The following TLR7 variants were observed in gnomAD, a reference collection of about 807,000 sequenced individuals.
TLR7 encodes the protein toll like receptor 7.
TLR7 carries 12 observed loss-of-function variants against 38.3 expected under a neutral mutation model. The observed-to-expected ratio is 0.31, with a 90% CI of 0.20 to 0.51. The LOEUF is 0.51. TLR7 is among the 20% of genes least tolerant of loss of function. The probability of loss-of-function intolerance (pLI) is 0.98; values close to 1 mark genes in which losing one functional copy is unlikely to be tolerated. For missense variants in TLR7, 504 were observed against 743.4 expected (o/e 0.68, Z 3.74); for synonymous variants, 285 against 293.8 (o/e 0.97, Z 0.31).
chrX:12,872,756 G>A, intron 2 of TLR7, among the ~76,000 whole-genome samples: 1 of 109,223 alleles, frequency 9.2e-6, no homozygotes, highest in Middle Eastern at 4.7e-3. Flanking sequence ...AAACATATCT[G>A]GTGTTCGGCC....
At chrX:12,869,784 T>A (rs1259221775) in intron 2 of TLR7, among the ~76,000 whole-genome samples, 1 of 91,543 alleles carries the variant, frequency 1.1e-5, no homozygotes, top group Non-Finnish European at 2.1e-5. Flanking sequence ...AAAGAAGTGA[T>A]CGTGGACATG....
In TLR7 at chrX:12,887,320, C is replaced by T. The variant is rs1212628646; in HGVS notation, c.1812C>T (p.Asn604=). 5.0e-6 allele frequency: 6 copies of T among 1,210,072 alleles called. No homozygotes were observed. In the African/African-American group the frequency reaches 5.2e-5, roughly 11 times the overall value. The change falls in exon 3 of 3, where the codon AAC becomes AAT. Residue 604 remains asparagine, a synonymous_variant. Transcript: ENST00000380659. ...AGGTTCTGCAGAAACTGATGATGAACGACAATGACATCTCTTCCTCCACCA... is the reference window on the plus strand; with the variant it reads ...AGGTTCTGCAGAAACTGATGATGAATGACAATGACATCTCTTCCTCCACCA... ...NLKVLQKLMM[N]DNDISSSTSR...
chrX:12,880,905 G>A (rs1271822436), intron 2 of TLR7, among the ~76,000 whole-genome samples: 1 of 111,183 alleles, frequency 9.0e-6, no homozygotes, highest in Non-Finnish European at 1.9e-5. Context: ...CTGTGCCTCA[G>A]TTGACTCATC....
At position 12,874,181 on chromosome X, in the gene TLR7, G is replaced by A. The variant is rs189176938; in HGVS notation, c.3+6600G>A. On this transcript the variant is annotated intron_variant, in intron 2 of 2. Coordinates refer to ENST00000380659, the MANE Select transcript of TLR7 (RefSeq NM_016562.4). ...CTAAAAATACAAAAATTAGCTGGGAGTGGTGGCGGCTGTCTGTAATCCCAG... is the reference window on the plus strand; with the variant it reads ...CTAAAAATACAAAAATTAGCTGGGAATGGTGGCGGCTGTCTGTAATCCCAG... 3.6e-4 allele frequency among the ~76,000 whole-genome samples: 40 copies of A among 110,850 alleles called. No individual in the cohort carries two copies. In the East Asian group the frequency reaches 0.01, roughly 28 times the overall value.
rs962452740 is a variant in TLR7 at position 12,890,119 on chromosome X, T to C, written c.*1461T>C. On this transcript the variant is annotated 3_prime_UTR_variant, in exon 3 of 3. Transcript: ENST00000380659. The stretch of plus-strand genomic sequence containing the variant: ...ATTGAAACCTGACCAATTTGCTTTA[T>C]TTCATGGAAGAAGTGATCTACAAAG... 3 of 112,956 alleles carry C rather than the reference T, an allele frequency of 2.7e-5. No individual in the cohort carries two copies. Among genetic ancestry groups the C allele is most frequent in the African/African-American group, 9.6e-5 (3 of 31,116 alleles). 9.3% of individuals were successfully genotyped at this position (112,956 alleles called of 1,213,427 possible). A position where few individuals can be genotyped will look rare whatever the true frequency, so the allele number is the denominator to read the frequency against.
intron 2 of TLR7, among the ~76,000 whole-genome samples, chrX:12,882,256 G>A (rs1250885924): frequency 4.5e-5 from 5 of 111,468 alleles, no homozygotes; most frequent in African/African-American, 9.8e-5. Context: ...CATTATAGTT[G>A]ATCTGATTCA....
intron 2 of TLR7, among the ~76,000 whole-genome samples, chrX:12,880,834 C>T (rs1030559501): frequency 8.1e-5 from 9 of 110,972 alleles, no homozygotes; most frequent in Admixed American, 4.8e-4. Flanking sequence ...AATTTCTGAC[C>T]GTGGTAAGGG....
rs138633665 is a variant in TLR7, at chrX:12,888,109, G to A, written c.2601G>A (p.Val867=). 9.9e-5 allele frequency: 120 copies of A among 1,209,102 alleles called. No homozygotes were observed. Among genetic ancestry groups the A allele is most frequent in the Non-Finnish European group, 1.2e-4 (111 of 894,389 alleles). Residue 867 remains valine (V), a synonymous_variant, in exon 3 of 3, where the codon GTG becomes GTA. Coordinates refer to ENST00000380659, the MANE Select transcript of TLR7 (RefSeq NM_016562.4). ...CAAGTCACCTCTATTTCTGGGATGT[G>A]TGGTATATTTACCATTTCTGTAAGG... ...MTASHLYFWD[V]WYIYHFCKAK...
intron 2 of TLR7, among the ~76,000 whole-genome samples, chrX:12,869,297 G>T (rs5741880): frequency 0.19 from 21,187 of 111,185 alleles, 2,339 homozygotes; most frequent in African/African-American, 0.41. Context: ...GAGTCATATG[G>T]CAGATCCTTT....
chrX:12,880,162 C>T (rs1212485478), intron 2 of TLR7, among the ~76,000 whole-genome samples: 1 of 111,558 alleles, frequency 9.0e-6, no homozygotes, highest in East Asian at 2.8e-4. Flanking sequence ...GCATCCAACA[C>T]GTATCTGTCA....
In TLR7 at chrX:12,886,028, A is replaced by G. The variant is rs200424237; in HGVS notation, c.520A>G (p.Ile174Val). Reference protein sequence around the residue: ...RKENLTELANIEILYLGQNCY... With the variant: ...RKENLTELANVEILYLGQNCY... ...AGAGAATCTAACAGAACTGGCCAAC[A>G]TAGAAATACTCTACCTGGGCCAAAA... is the stretch of plus-strand genomic sequence containing the variant. Residue 174 changes from isoleucine to valine, a missense_variant, in exon 3 of 3, where the codon ATA (isoleucine) becomes GTA (valine). Physicochemically the swap from Ile to Val is conservative, Grantham distance 29. Coordinates refer to ENST00000380659, the MANE Select transcript of TLR7 (RefSeq NM_016562.4). The G allele has an allele frequency of 1.7e-6, 2 of 1,210,325 alleles. No homozygotes were observed. Among genetic ancestry groups the G allele is most frequent in the African/African-American group, 3.5e-5 (2 of 57,281 alleles).
rs2042916834 is a variant in TLR7, at chrX:12,887,896, G to C, written c.2388G>C (p.Trp796Cys). ...LCTCDAVWFVWWVNHTEVTIP... is the reference protein window; with the variant it reads ...LCTCDAVWFVCWVNHTEVTIP... ...CCTGTGATGCTGTGTGGTTTGTCTGGTGGGTTAACCATACGGAGGTGACTA... is the reference window on the plus strand; with the variant it reads ...CCTGTGATGCTGTGTGGTTTGTCTGCTGGGTTAACCATACGGAGGTGACTA... Residue 796 changes from tryptophan (W) to cysteine (C), a missense_variant, in exon 3 of 3, where the codon TGG becomes TGC. Physicochemically the swap from Trp to Cys is radical, Grantham distance 215. Coordinates refer to ENST00000380659, the MANE Select transcript of TLR7 (RefSeq NM_016562.4). The C allele has an allele frequency of 8.3e-7, 1 of 1,210,054 alleles. No individual in the cohort carries two copies. Among genetic ancestry groups the C allele is most frequent in the Non-Finnish European group, 1.1e-6 (1 of 895,276 alleles).
In TLR7 at chrX:12,888,302, G is replaced by A; in HGVS notation, c.2794G>A (p.Asp932Asn). Reference sequence around the variant, plus strand: ...TTTTAATTTATGTCTCGAGGAAAGGGACTGGTTACCAGGGCAGCCAGTTCT... The same window carrying A: ...TTTTAATTTATGTCTCGAGGAAAGGAACTGGTTACCAGGGCAGCCAGTTCT... The part of the protein sequence containing the change: ...KHFNLCLEER[D>N]WLPGQPVLEN... The change falls in exon 3 of 3, where the codon GAC becomes AAC. Residue 932 changes from aspartate to asparagine, a missense_variant. Physicochemically the swap from Asp to Asn is conservative, Grantham distance 23. Coordinates refer to ENST00000380659, the MANE Select transcript of TLR7 (RefSeq NM_016562.4). The A allele has an allele frequency of 8.3e-7, 1 of 1,211,774 alleles. No homozygotes were observed. The highest frequency in any genetic ancestry group is 1.1e-6 in the Non-Finnish European group (1 of 895,545).
chrX:12,873,862 C>T (rs1268067020), intron 2 of TLR7, among the ~76,000 whole-genome samples: 1 of 112,022 alleles, frequency 8.9e-6, no homozygotes, highest in Non-Finnish European at 1.9e-5. Context: ...CTTTTTATGT[C>T]GATACCCACA....
chrX:12,875,583 G>A (rs758417991), intron 2 of TLR7, among the ~76,000 whole-genome samples: 4 of 111,828 alleles, frequency 3.6e-5, no homozygotes, highest in African/African-American at 1.3e-4. Context: ...GGACCCAGTG[G>A]GAGGTAATTG....
chrX:12,882,607 A>G (rs1261784500), intron 2 of TLR7, among the ~76,000 whole-genome samples: 1 of 111,781 alleles, frequency 8.9e-6, no homozygotes. Context: ...TATTTACACT[A>G]TAGAAATTGA....
At chrX:12,877,715 A>C (rs2042877785) in intron 2 of TLR7, 1 of 110,321 alleles carries the variant, frequency 9.1e-6, no homozygotes, top group South Asian at 3.9e-4. Context: ...AGGATTATGA[A>C]AGAGTCCGTC....
Position 12,887,946 on chromosome X carries a change from C to T in TLR7, c.2438C>T (p.Thr813Ile). The change falls in exon 3 of 3, where the codon ACT becomes ATT. Residue 813 changes from threonine to isoleucine, a missense_variant. Physicochemically the swap from Thr to Ile is moderately conservative, Grantham distance 89 (BLOSUM62 -1). Coordinates refer to ENST00000380659, the MANE Select transcript of TLR7 (RefSeq NM_016562.4). ...ATTCCTTACCTGGCCACAGATGTGA[C>T]TTGTGTGGGGCCAGGAGCACACAAG... Reference protein sequence around the residue: ...VTIPYLATDVTCVGPGAHKGQ... With the variant: ...VTIPYLATDVICVGPGAHKGQ... 1 of 1,211,801 alleles carries T rather than the reference C, an allele frequency of 8.3e-7. No individual in the cohort carries two copies.
intron 2 of TLR7, among the ~76,000 whole-genome samples, chrX:12,875,931 G>T (rs760179864): frequency 3.6e-4 from 39 of 109,003 alleles, no homozygotes; most frequent in Admixed American, 1.1e-3. Context: ...CCTCAAGTTG[G>T]TCCCACTCAA....
Sources: allele counts gnomAD v4.1 joint callset (sites outside exome capture counted in the v4.1 genomes callset), GRCh38; gene constraint gnomAD v4.1.1; transcripts MANE v1.5; gene names NCBI Gene and HGNC (gene_info 2026-07-23, HGNC 2026-07-21).